Variants in PCDHGA3 observed in about 807,000 individuals in gnomAD.
PCDHGA3 encodes protocadherin gamma-A3.
Under a neutral mutation model 58.5 loss-of-function variants are expected in PCDHGA3, and 40 were observed. The ratio of observed to expected loss-of-function variants is 0.68; its 90% CI spans 0.53 to 0.89. The LOEUF (loss-of-function observed/expected upper bound fraction) is 0.89, where lower values mean the gene tolerates loss of function less well. PCDHGA3 is among the 40% of genes least tolerant of loss of function. The pLI is 0.00. For missense variants in PCDHGA3, 1,223 were observed against 1,195.9 expected (o/e 1.02, Z -0.33); for synonymous variants, 530 against 525.7 (o/e 1.01, Z -0.11).
At chr5:141,387,770 T>A in intron 1 of PCDHGA3, 1 of 1,438,412 alleles carries the variant, frequency 7.0e-7, no homozygotes, top group Non-Finnish European at 9.2e-7. Flanking sequence ...AAGAATTTTT[T>A]CTTGAACTGG....
chr5:141,429,960 A>C (rs981722031), intron 1 of PCDHGA3, among the ~76,000 whole-genome samples: 2 of 152,244 alleles, frequency 1.3e-5, no homozygotes, highest in African/African-American at 4.8e-5. Flanking sequence ...AGTCAATGCA[A>C]GTTGGAATGC....
At chr5:141,428,333 T>A in intron 1 of PCDHGA3, 1 of 618,518 alleles carries the variant, frequency 1.6e-6, no homozygotes, top group Non-Finnish European at 2.9e-6. Context: ...ATTTCTATGC[T>A]CTTCTTCCTC....
chr5:141,474,967 T>G (rs745581213), intron 1 of PCDHGA3, among the ~76,000 whole-genome samples: 6 of 152,252 alleles, frequency 3.9e-5, no homozygotes, highest in Non-Finnish European at 7.3e-5. Context: ...TCCTAATCAT[T>G]ATAATTTTGT....
chr5:141,447,558 G>T (rs551305232), intron 1 of PCDHGA3, among the ~76,000 whole-genome samples: 1 of 152,264 alleles, frequency 6.6e-6, no homozygotes, highest in African/African-American at 2.4e-5. Context: ...GAGTACACTT[G>T]GAGGATTCTA....
At position 141,355,420 on chromosome 5, in the gene PCDHGA3, C is replaced by CT. The variant is rs35876439; in HGVS notation, c.2424+8967dup. On this transcript the variant is annotated intron_variant, in intron 1 of 3. Coordinates refer to ENST00000253812, the MANE Select transcript of PCDHGA3 (RefSeq NM_018916.4). ...CATCGTCTCCAGAGGTAGGACGCAG[C>CT]TTTTCGCCCTGAACCCGCGCAGCGG... is the stretch of plus-strand genomic sequence containing the variant. The CT allele has an allele frequency of 1.4e-5, 22 of 1,614,124 alleles. No individual in the cohort carries two copies. In the South Asian group the frequency reaches 2.4e-4, roughly 18 times the overall value.
chr5:141,374,226 T>C (rs1770289818), intron 1 of PCDHGA3: 1 of 1,613,964 alleles, frequency 6.2e-7, no homozygotes, highest in Non-Finnish European at 8.5e-7. Context: ...GTAGGCAACA[T>C]CGTCAAGGAT....
intron 1 of PCDHGA3, chr5:141,421,951 A>G: frequency 6.2e-7 from 1 of 1,612,854 alleles, no homozygotes; most frequent in Non-Finnish European, 8.5e-7. Flanking sequence ...TCACATCCCA[A>G]TGTTTACACA....
Position 141,393,390 on chromosome 5 carries a change from G to C in PCDHGA3, c.2424+46933G>C, listed in dbSNP as rs761230046. On this transcript the variant is annotated intron_variant, in intron 1 of 3. Coordinates refer to ENST00000253812, the MANE Select transcript of PCDHGA3 (RefSeq NM_018916.4). ...TGGAGACAATGGAGCCATAAACCCA[G>C]AGCTGGTGCTGGAGCGCGCCCTGGA... 24 of 1,613,882 alleles carry C rather than the reference G, an allele frequency of 1.5e-5. No homozygotes were observed. The South Asian group carries it at 2.5e-4, about 17-fold the overall frequency.
chr5:141,384,962 A>G (rs1303034041), intron 1 of PCDHGA3: 1 of 1,613,130 alleles, frequency 6.2e-7, no homozygotes, highest in East Asian at 2.2e-5. Flanking sequence ...TACAACTATG[A>G]CCTCACGTTG....
chr5:141,387,752 GGAAAAAGAAGAATTTTTTCTT>G, intron 1 of PCDHGA3: 1 of 1,398,886 alleles, frequency 7.1e-7, no homozygotes, highest in Non-Finnish European at 9.5e-7. Context: ...CTTCCTCCTC[GGAAAAAGAAGAATTTTTTCTT>G]GAACTGGAAC....
At chr5:141,403,746 C>T (rs773668506) in intron 1 of PCDHGA3, 1 of 1,613,904 alleles carries the variant, frequency 6.2e-7, no homozygotes, top group South Asian at 1.1e-5. Context: ...CTTACTGCAA[C>T]AGCCAGCGAC....
intron 1 of PCDHGA3, among the ~76,000 whole-genome samples, chr5:141,472,991 AAAAAAAGAAAGAAAAAG>A (rs2099310051): frequency 6.6e-6 from 1 of 151,894 alleles, no homozygotes; most frequent in Admixed American, 6.6e-5. Flanking sequence ...AAAAAAAAAA[AAAAAAAGAAAGAAAAAG>A]AAAAAGAAAG....
At chr5:141,478,165 C>G (rs780594020) in intron 1 of PCDHGA3, 13 of 1,613,920 alleles carry the variant, frequency 8.1e-6, no homozygotes, top group African/African-American at 1.3e-5. Flanking sequence ...GCTCTGCCCC[C>G]CGGGAGCAGA....
In PCDHGA3 at chr5:141,489,523, C is replaced by CT. The variant is rs1379784656; in HGVS notation, c.2425-5283dup. On this transcript the variant is annotated intron_variant, in intron 1 of 3. Coordinates refer to ENST00000253812, the MANE Select transcript of PCDHGA3 (RefSeq NM_018916.4). The surrounding 1 kb of genome is among the most constrained non-coding windows in gnomAD (Gnocchi z 4.5). ...GAATCAAAAGATTGACCGAGAAAGC[C>CT]TATGTGGAGCCAGCACCAGCTGCCT... 1 of 1,614,006 alleles carries CT rather than the reference C, an allele frequency of 6.2e-7. No homozygotes were observed. Among genetic ancestry groups the CT allele is most frequent in the Non-Finnish European group, 8.5e-7 (1 of 1,180,044 alleles).
chr5:141,371,325 G>A (rs1335421404), intron 1 of PCDHGA3: 2 of 1,613,966 alleles, frequency 1.2e-6, no homozygotes, highest in Non-Finnish European at 8.5e-7. Context: ...GGACTTTGAA[G>A]AGAGAGATAG....
chr5:141,375,645 A>G (rs1052759532), intron 1 of PCDHGA3: 1 of 1,614,002 alleles, frequency 6.2e-7, no homozygotes, highest in African/African-American at 1.3e-5. Flanking sequence ...CGCTCCTTCG[A>G]CTATGAGCAG....
At position 141,494,880 on chromosome 5, in the gene PCDHGA3, C is replaced by G. The variant is rs950094823; in HGVS notation, c.2483+15C>G. On this transcript the variant is annotated intron_variant, in intron 2 of 3. Transcript: ENST00000253812. ...GGCACCAGCGGGTAGGTGACTGATT[C>G]TCCAGCCCACCCTCTTCTCTGCGGC... The G allele has an allele frequency of 3.7e-6, 6 of 1,614,040 alleles. No individual in the cohort carries two copies. The African/African-American group carries it at 6.7e-5, about 18-fold the overall frequency.
At chr5:141,375,397 C>G (rs751405619) in intron 1 of PCDHGA3, 3 of 1,613,892 alleles carry the variant, frequency 1.9e-6, no homozygotes, top group East Asian at 4.5e-5. Flanking sequence ...AAACAATCAT[C>G]TCTCTAAATG....
At chr5:141,360,620 T>A (rs759358436) in intron 1 of PCDHGA3, 2 of 1,613,908 alleles carry the variant, frequency 1.2e-6, no homozygotes, top group Non-Finnish European at 1.7e-6. Flanking sequence ...GATTCAGATG[T>A]TGGTCCTAAC....
Sources: gnomAD v4.1 joint callset for allele counts (sites outside exome capture counted in the v4.1 genomes callset) on GRCh38, gnomAD v4.1.1 for gene constraint, Gnocchi (gnomAD v3.1) non-coding constraint, MANE v1.5 for transcripts, NCBI Gene and HGNC (gene_info 2026-07-23, HGNC 2026-07-21) for gene names.